Variants in UBQLN1 observed in about 807,000 individuals in gnomAD.
UBQLN1 encodes ubiquilin 1, also known as ubiquilin-1.
UBQLN1 carries 13 observed loss-of-function variants against 65.4 expected under a neutral mutation model. That is an observed-to-expected ratio of 0.20 (90% CI 0.13 to 0.32). The LOEUF (loss-of-function observed/expected upper bound fraction) is 0.32. Ranked by LOEUF, UBQLN1 falls within the 10% of genes least tolerant of loss-of-function variation. The probability of loss-of-function intolerance (pLI) is 1.00; values close to 1 mark genes in which losing one functional copy is unlikely to be tolerated. For synonymous variants in UBQLN1, 267 were observed against 247.8 expected (o/e 1.08, Z -0.73); for missense variants, 561 against 724.0 (o/e 0.77, Z 2.58).
Position 83,703,078 on chromosome 9 carries a change from C to A in UBQLN1, c.180+4422G>T, listed in dbSNP as rs147619806. Among the ~76,000 whole-genome samples, 60 of 152,110 alleles carry A rather than the reference C, an allele frequency of 3.9e-4. No individual in the cohort carries two copies. The East Asian group carries it at 0.011, about 29-fold the overall frequency. On this transcript the variant is annotated intron_variant, in intron 1 of 10. Transcript: ENST00000376395. ...GCACTAATGTCTCACATATATAACTCTCCATTCTTCTAGATGTTATCTTGC... is the reference window on the plus strand; with the variant it reads ...GCACTAATGTCTCACATATATAACTATCCATTCTTCTAGATGTTATCTTGC...
chr9:83,701,537 T>C (rs1321251336), intron 1 of UBQLN1, among the ~76,000 whole-genome samples: 2 of 152,148 alleles, frequency 1.3e-5, no homozygotes, highest in African/African-American at 4.8e-5. Flanking sequence ...AAAAGCAAAT[T>C]TGTCTAGCAG....
chr9:83,678,740 G>A (rs10481737), intron 4 of UBQLN1, 141 bp from the exon 5 acceptor site: 318,054 of 926,924 alleles, frequency 0.34, 59,278 homozygotes, highest in Middle Eastern at 0.47. Flanking sequence ...TTTTTGAGAC[G>A]GAGTCTTGCT....
At chr9:83,678,805 C>A (rs1200171837) in intron 4 of UBQLN1, among the ~76,000 whole-genome samples, 1 of 152,104 alleles carries the variant, frequency 6.6e-6, no homozygotes, top group Non-Finnish European at 1.5e-5. Context: ...CAAGCTCCGC[C>A]TCCCGGGTTC....
At chr9:83,690,476 C>T (rs1268773427) in intron 1 of UBQLN1, among the ~76,000 whole-genome samples, 1 of 152,098 alleles carries the variant, frequency 6.6e-6, no homozygotes, top group African/African-American at 2.4e-5. Context: ...ACTTTCTCGA[C>T]CTTTAGGCTA....
chr9:83,695,663 G>A (rs986654834), intron 1 of UBQLN1, among the ~76,000 whole-genome samples: 1 of 152,086 alleles, frequency 6.6e-6, no homozygotes. Flanking sequence ...CTATATGGCA[G>A]CTGCTTAACC....
chr9:83,676,024 G>C (rs1013064735), intron 6 of UBQLN1, among the ~76,000 whole-genome samples: 1 of 152,050 alleles, frequency 6.6e-6, no homozygotes, highest in Non-Finnish European at 1.5e-5. Flanking sequence ...AGTAATACCT[G>C]AAGTATTATC....
intron 7 of UBQLN1, 167 bp downstream of exon 7, chr9:83,669,018 T>C (rs1167531865): frequency 1.3e-6 from 1 of 742,318 alleles, no homozygotes; most frequent in Non-Finnish European, 2.0e-6. Flanking sequence ...GAAGTATTAA[T>C]TTACTGCAAA....
intron 3 of UBQLN1, among the ~76,000 whole-genome samples, chr9:83,680,385 A>C (rs1377003969): frequency 2.0e-5 from 3 of 152,052 alleles, no homozygotes; most frequent in Non-Finnish European, 2.9e-5. Flanking sequence ...AGCCCTTTTG[A>C]TCATTATGCT....
At chr9:83,705,044 T>C (rs758541941) in intron 1 of UBQLN1, among the ~76,000 whole-genome samples, 4 of 152,010 alleles carry the variant, frequency 2.6e-5, no homozygotes, top group Non-Finnish European at 2.9e-5. Flanking sequence ...AGGCATGAAT[T>C]AGGAATCCTA....
At position 83,692,571 on chromosome 9, in the gene UBQLN1, G is replaced by A. The variant is rs551920289; in HGVS notation, c.181-6416C>T. The stretch of plus-strand genomic sequence containing the variant: ...TATTACAATTATACAAAATATTTTC[G>A]GCCAGGCGCAGTGGCTCACATCTGT... On this transcript the variant is annotated intron_variant, in intron 1 of 10. Coordinates refer to ENST00000376395, the MANE Select transcript of UBQLN1 (RefSeq NM_013438.5). Among the ~76,000 whole-genome samples, 169 of 152,214 alleles carry A rather than the reference G, an allele frequency of 1.1e-3. 1 individual carries two copies. Among genetic ancestry groups the A allele is most frequent in the African/African-American group, 3.8e-3 (159 of 41,530 alleles).
intron 2 of UBQLN1, among the ~76,000 whole-genome samples, chr9:83,685,615 T>TAA (rs376944218): frequency 0.014 from 1,807 of 131,828 alleles, 36 homozygotes; most frequent in East Asian, 0.043. Context: ...CTCTGTCTCT[T>TAA]AAAAAAAAAA....
intron 1 of UBQLN1, among the ~76,000 whole-genome samples, chr9:83,688,472 ATCCC>A (rs1832074521): frequency 6.6e-6 from 1 of 152,176 alleles, no homozygotes; most frequent in Admixed American, 6.6e-5. Context: ...AATTTTTGAT[ATCCC>A]TCGTTATTCT....
chr9:83,684,678 G>A (rs1041407016), intron 2 of UBQLN1, among the ~76,000 whole-genome samples: 1 of 152,010 alleles, frequency 6.6e-6, no homozygotes, highest in Non-Finnish European at 1.5e-5. Flanking sequence ...GGGCGTGGTG[G>A]CGCATGCCTG....
chr9:83,676,697 A>T (rs946746157), intron 6 of UBQLN1, among the ~76,000 whole-genome samples: 1 of 152,180 alleles, frequency 6.6e-6, no homozygotes, highest in African/African-American at 2.4e-5. Context: ...ATGAATTTTT[A>T]AAAATTCTTC....
At chr9:83,675,909 T>C (rs947419964) in intron 6 of UBQLN1, among the ~76,000 whole-genome samples, 2 of 151,492 alleles carry the variant, frequency 1.3e-5, no homozygotes, top group Non-Finnish European at 2.9e-5. Context: ...ACAAGGAAAA[T>C]ATTGTAACTA....
intron 7 of UBQLN1, chr9:83,667,954 CTT>C: frequency 1.0e-6 from 1 of 985,198 alleles, no homozygotes; most frequent in Non-Finnish European, 1.2e-6. Flanking sequence ...GCTCAAGTCA[CTT>C]TACTAAAGTA....
At chr9:83,681,684 G>T (rs1831942842) in intron 3 of UBQLN1, among the ~76,000 whole-genome samples, 1 of 152,232 alleles carries the variant, frequency 6.6e-6, no homozygotes, top group Admixed American at 6.5e-5. Flanking sequence ...ACTAACTACA[G>T]TAGCAGATAG....
At chr9:83,685,026 A>G (rs1832016722) in intron 2 of UBQLN1, among the ~76,000 whole-genome samples, 2 of 152,174 alleles carry the variant, frequency 1.3e-5, no homozygotes, top group South Asian at 4.1e-4. Context: ...CTTCAACTGA[A>G]TGCCTGGGTA....
chr9:83,678,294 T>C (rs1831876859), intron 5 of UBQLN1, 147 bp downstream of exon 5: 3 of 990,740 alleles, frequency 3.0e-6, no homozygotes, highest in South Asian at 1.9e-5. Flanking sequence ...GTGCTGGGAT[T>C]ACAGGCGTGA....
Sources: gnomAD v4.1 joint callset for allele counts (sites outside exome capture counted in the v4.1 genomes callset) on GRCh38, gnomAD v4.1.1 for gene constraint, MANE v1.5 for transcripts, NCBI Gene and HGNC (gene_info 2026-07-23, HGNC 2026-07-21) for gene names.